The following SFPQ variants were observed in gnomAD, a reference collection of about 807,000 sequenced individuals.
SFPQ encodes the protein splicing factor, proline- and glutamine-rich.
Under a neutral mutation model 72.9 loss-of-function variants are expected in SFPQ, and 11 were observed. The observed-to-expected ratio is 0.15, with a 90% CI of 0.09 to 0.25. The LOEUF (loss-of-function observed/expected upper bound fraction) is 0.25. Ranked by LOEUF, SFPQ falls within the 10% of genes least tolerant of loss-of-function variation. The pLI is 1.00. For synonymous variants in SFPQ, 506 were observed against 367.3 expected, an observed-to-expected ratio of 1.38 and a Z score of -4.32; for missense variants, 847 against 993.3, an observed-to-expected ratio of 0.85 and a Z score of 1.98.
rs1330237598 is a variant in SFPQ at position 35,188,072 on chromosome 1, A to ACGT, written c.1713_1715dup (p.Arg574dup). ...GAATCATCATCTCTTCCTCTCTTCT[A>ACGT]CGTCGTTCCTCCTCTTGCCTAGAAA... On this transcript the variant is annotated inframe_insertion, in exon 7 of 10. Transcript: ENST00000357214. 1 of 1,613,514 alleles carries ACGT rather than the reference A, an allele frequency of 6.2e-7. No homozygotes were observed. The highest frequency in any genetic ancestry group is 8.5e-7 in the Non-Finnish European group (1 of 1,179,606).
chr1:35,178,558 TTCTTTCCCA>T, downstream of SFPQ: 2 of 1,059,560 alleles, frequency 1.9e-6, no homozygotes, highest in Non-Finnish European at 2.3e-6. Context: ...ATTTACCTCA[TTCTTTCCCA>T]TCTAAGTCCT....
intron 1 of SFPQ, 137 bp downstream of exon 1, chr1:35,192,085 C>G (rs930549906): frequency 1.6e-6 from 1 of 622,760 alleles, no homozygotes; most frequent in Non-Finnish European, 2.3e-6. Flanking sequence ...CCCCGCAGGC[C>G]GCCCCGCCCC....
At chr1:35,186,031 A>G (rs1476177300) in intron 9 of SFPQ, among the ~76,000 whole-genome samples, 1 of 152,202 alleles carries the variant, frequency 6.6e-6, no homozygotes, top group East Asian at 1.9e-4. Flanking sequence ...ATAGTATTAC[A>G]TTTTACCCAA....
chr1:35,190,459 T>G, intron 4 of SFPQ, 39 bp downstream of exon 4: 1 of 1,415,580 alleles, frequency 7.1e-7, no homozygotes, highest in Non-Finnish European at 9.9e-7. Flanking sequence ...ACCTTTACAC[T>G]TGATTTAAAA....
Position 35,192,810 on chromosome 1 carries a change from C to T in SFPQ, c.240G>A (p.Gln80=), listed in dbSNP as rs375783630. The change falls in exon 1 of 10, where the codon CAG becomes CAA. Residue 80 remains glutamine, a synonymous_variant. Transcript: ENST00000357214. ...QQPPPQQPPP[Q]QPPPHQPPPH... ...GCGGCGGCTGATGCGGTGGCGGCTG[C>T]TGCGGCGGTGGCTGCTGCGGTGGTG... The T allele has an allele frequency of 4.0e-6, 6 of 1,501,740 alleles. No individual in the cohort carries two copies. In the East Asian group the frequency reaches 1.6e-4, roughly 40 times the overall value. The allele number at this position is 1,501,740 out of a possible 1,614,324, so 93.0% of individuals were successfully genotyped here. A position where few individuals can be genotyped will look rare whatever the true frequency, so the allele number is the denominator to read the frequency against.
downstream of SFPQ, chr1:35,178,486 G>C: frequency 3.8e-6 from 4 of 1,063,918 alleles, no homozygotes; most frequent in African/African-American, 1.6e-5. Context: ...AGTCCTCCAA[G>C]AGTGCCCAAC....
At chr1:35,180,248 CAAG>C (rs1639411999), downstream of SFPQ, 1 of 1,051,156 alleles carries the variant, frequency 9.5e-7, no homozygotes, top group Non-Finnish European at 1.1e-6. Flanking sequence ...GTTCAGAGAC[CAAG>C]AAGTTGAAGT....
At chr1:35,182,306 C>A (rs1173973896), downstream of SFPQ, 1 of 985,148 alleles carries the variant, frequency 1.0e-6, no homozygotes, top group Non-Finnish European at 1.2e-6. Flanking sequence ...CCCTTGTTTC[C>A]GTACAGAAAA....
chr1:35,179,230 A>G (rs1033763440), downstream of SFPQ: 6 of 1,061,508 alleles, frequency 5.7e-6, no homozygotes, highest in Non-Finnish European at 6.8e-6. Flanking sequence ...TGCAGCTGAC[A>G]ATGATTAACA....
rs889152253 is a variant in SFPQ, at chr1:35,184,254, TAAAAAG to T, written c.*196_*201del. On this transcript the variant is annotated 3_prime_UTR_variant, in exon 10 of 10. Transcript: ENST00000357214. ...CAGTAAAAAAGAAAAAATAAAGAAA[TAAAAAG>T]GAAAAAAAAATTCTCCTGTTCCAAA... 9 of 1,343,286 alleles carry T rather than the reference TAAAAAG, an allele frequency of 6.7e-6. No homozygotes were observed. The highest frequency in any genetic ancestry group is 1.5e-5 in the African/African-American group (1 of 64,694). 83.2% of individuals were successfully genotyped at this position (1,343,286 alleles called of 1,614,324 possible).
rs1286318800 is a variant in SFPQ, at chr1:35,192,366, G to T, written c.684C>A (p.Gly228=). ...CTCGATGCGGCGGCTTGGGGTGGCC[G>T]CCAGGCGTACTTAGGCCCGGGCCGC... ...PGGGPGLSTP[G]GHPKPPHRGG... is the part of the protein sequence containing the mutation. The change falls in exon 1 of 10, where the codon GGC becomes GGA. Residue 228 remains glycine (G), a synonymous_variant. Transcript: ENST00000357214. The T allele has an allele frequency of 1.4e-6, 2 of 1,388,112 alleles. No individual in the cohort carries two copies. The highest frequency in any genetic ancestry group is 3.8e-5 in the Admixed American group (1 of 26,000). 86.0% of individuals were successfully genotyped at this position (1,388,112 alleles called of 1,614,324 possible).
chr1:35,192,107 G>T (rs1397421486), intron 1 of SFPQ, 115 bp downstream of exon 1: 2 of 884,218 alleles, frequency 2.3e-6, no homozygotes, highest in Non-Finnish European at 3.0e-6. Context: ...GCAGCGGCGC[G>T]CGCAAGCGCC....
rs767779371 is a variant in SFPQ at position 35,192,207 on chromosome 1, C to T, written c.828+15G>A. On this transcript the variant is annotated intron_variant, in intron 1 of 9. Coordinates refer to ENST00000357214, the MANE Select transcript of SFPQ (RefSeq NM_005066.3). Reference sequence around the variant, plus strand: ...ATCTTAGGGGAGCCGACGCGTCGCTCCCATAGACACTCACCTCCGAGTCCG... The same window carrying T: ...ATCTTAGGGGAGCCGACGCGTCGCTTCCATAGACACTCACCTCCGAGTCCG... 1.6e-5 allele frequency: 23 copies of T among 1,438,242 alleles called. No individual in the cohort carries two copies. The South Asian group carries it at 3.0e-4, about 19-fold the overall frequency. The allele number at this position is 1,438,242 out of a possible 1,614,324, so 89.1% of individuals were successfully genotyped here.
rs142431105 is a variant in SFPQ, at chr1:35,191,138, T to TA, written c.1018-144dup. On this transcript the variant is annotated intron_variant, in intron 2 of 9. Coordinates refer to ENST00000357214, the MANE Select transcript of SFPQ (RefSeq NM_005066.3). ...TTAGGCAGCACCCACTAACACCACT[T>TA]AGTTTACCCACCCCACCCCTCTTTT... 2.0e-4 allele frequency: 165 copies of TA among 830,176 alleles called. 2 individuals are homozygous for TA. In the East Asian group the frequency reaches 2.7e-3, roughly 13 times the overall value. The allele number at this position is 830,176 out of a possible 1,614,324, so 51.4% of individuals were successfully genotyped here. A position where few individuals can be genotyped will look rare whatever the true frequency, so the allele number is the denominator to read the frequency against.
intron 6 of SFPQ, among the ~76,000 whole-genome samples, chr1:35,188,516 C>CA (rs1180528017): frequency 1.3e-5 from 2 of 151,812 alleles, no homozygotes; most frequent in African/African-American, 4.8e-5. Context: ...TCCACAAATA[C>CA]AAAAAAAATT....
chr1:35,186,922 AC>A (rs1342646912), intron 9 of SFPQ, 78 bp downstream of exon 9: 2 of 1,462,162 alleles, frequency 1.4e-6, no homozygotes, highest in African/African-American at 1.4e-5. Flanking sequence ...ACTTAAAAAA[AC>A]AAAACAAAAC....
Position 35,192,320 on chromosome 1 carries a change from C to A in SFPQ, c.730G>T (p.Gly244Cys). The A allele has an allele frequency of 3.5e-6, 5 of 1,424,056 alleles. No homozygotes were observed. The highest frequency in any genetic ancestry group is 3.4e-5 in the Admixed American group (1 of 29,184). 88.2% of individuals were successfully genotyped at this position (1,424,056 alleles called of 1,614,324 possible). The change falls in exon 1 of 10, where the codon GGC becomes TGC. Residue 244 changes from glycine (G) to cysteine (C), a missense_variant. Physicochemically the swap from Gly to Cys is radical, Grantham distance 159 (BLOSUM62 -3). This residue lies in a region of SFPQ where 498 missense variants were observed against 405.1 expected (regional missense o/e 1.23). Coordinates refer to ENST00000357214, the MANE Select transcript of SFPQ (RefSeq NM_005066.3). ...PHRGGGEPRG[G>C]RQHHPPYHQQ... The stretch of plus-strand genomic sequence containing the variant: ...TGGTAGGGCGGGTGGTGCTGGCGGC[C>A]CCCGCGGGGCTCCCCGCCGCCTCGA...
At chr1:35,189,887 A>C (rs1553153834) in intron 4 of SFPQ, among the ~76,000 whole-genome samples, 1 of 151,324 alleles carries the variant, frequency 6.6e-6, no homozygotes, top group South Asian at 2.1e-4. Flanking sequence ...GGAGGCAAAG[A>C]TTGCAGTGAG....
intron 4 of SFPQ, 82 bp downstream of exon 4, chr1:35,190,416 A>T: frequency 3.1e-6 from 3 of 965,664 alleles, no homozygotes; most frequent in Admixed American, 2.4e-5. Flanking sequence ...TGCATATTTT[A>T]AGCAAAATTG....
Sources: allele counts gnomAD v4.1 joint callset (sites outside exome capture counted in the v4.1 genomes callset), GRCh38; gene constraint gnomAD v4.1.1; regional missense constraint gnomAD v4.1.1; transcripts MANE v1.5; gene names NCBI Gene and HGNC (gene_info 2026-07-23, HGNC 2026-07-21).